The following C14orf93 variants were observed in gnomAD, a reference collection of about 807,000 sequenced individuals.
C14orf93 encodes chromosome 14 open reading frame 93, also known as uncharacterized protein C14orf93.
A neutral mutation model predicts 44.0 loss-of-function variants in C14orf93; 23 were observed. The observed-to-expected ratio is 0.52, with a 90% CI of 0.38 to 0.74. C14orf93 has a LOEUF of 0.74. Ranked by LOEUF, C14orf93 falls within the 30% of genes least tolerant of loss-of-function variation. The pLI, the probability that C14orf93 is intolerant of heterozygous loss-of-function variation, is 0.00. For missense variants in C14orf93, 579 were observed against 678.9 expected, an observed-to-expected ratio of 0.85 and a Z score of 1.64; for synonymous variants, 253 against 265.7, an observed-to-expected ratio of 0.95 and a Z score of 0.46.
Position 22,987,810 on chromosome 14 carries a change from C to T in C14orf93, c.1197+93G>A. The T allele has an allele frequency of 8.0e-7, 1 of 1,251,524 alleles. No individual in the cohort carries two copies. The highest frequency in any genetic ancestry group is 1.5e-5 in the African/African-American group (1 of 66,792). 77.5% of individuals were successfully genotyped at this position (1,251,524 alleles called of 1,614,324 possible). A position where few individuals can be genotyped will look rare whatever the true frequency, so the allele number is the denominator to read the frequency against. The stretch of plus-strand genomic sequence containing the variant: ...TCTATCTTCCTACATTCCTGGCTCT[C>T]AACCCTATTCTCATATGCCATGTCC... On this transcript the variant is annotated intron_variant, in intron 6 of 6. Transcript: ENST00000299088. The surrounding 1 kb of genome is among the most constrained non-coding windows in gnomAD (Gnocchi z 5.6).
intron 2 of C14orf93, among the ~76,000 whole-genome samples, chr14:22,997,755 AG>A (rs908205962): frequency 2.0e-5 from 3 of 151,744 alleles, no homozygotes; most frequent in Non-Finnish European, 4.4e-5. Flanking sequence ...GTTAACAATC[AG>A]TTGGCCATTT....
At chr14:23,002,014 T>C (rs1594665077) in intron 1 of C14orf93, among the ~76,000 whole-genome samples, 3 of 151,364 alleles carry the variant, frequency 2.0e-5, no homozygotes, top group African/African-American at 7.3e-5. Context: ...CCGGGCGTGG[T>C]GGCGGGCGAC....
In C14orf93 at chr14:22,998,433, G is replaced by C. The variant is rs1486231601; in HGVS notation, c.591C>G (p.Leu197=). The change falls in exon 2 of 7, where the codon CTC becomes CTG. Residue 197 remains leucine, a synonymous_variant. Coordinates refer to ENST00000299088, the MANE Select transcript of C14orf93 (RefSeq NM_021944.4). ...TLAASEAAPL[L]NPLVDDYVAS... ...CCTCTGCTGCCATACTCACAGGATT[G>C]AGCAGGGGGGCCGCCTCGCTGGCAG... 1.3e-6 allele frequency: 2 copies of C among 1,569,046 alleles called. No individual in the cohort carries two copies. Among genetic ancestry groups the C allele is most frequent in the South Asian group, 2.3e-5 (2 of 85,542 alleles).
At position 22,998,821 on chromosome 14, in the gene C14orf93, C is replaced by T. The variant is rs562860252; in HGVS notation, c.203G>A (p.Arg68Gln). 17 of 1,614,120 alleles carry T rather than the reference C, an allele frequency of 1.1e-5. No individual in the cohort carries two copies. The highest frequency in any genetic ancestry group is 4.5e-5 in the East Asian group (2 of 44,874). Reference protein sequence around the residue: ...SEQLLHVIYQRVDKAVGLAEA... With the variant: ...SEQLLHVIYQQVDKAVGLAEA... Reference sequence around the variant, plus strand: ...AGCCAAACCCACTGCCTTATCGACCCGCTGGTAGATAACATGCAGGAGCTG... The same window carrying T: ...AGCCAAACCCACTGCCTTATCGACCTGCTGGTAGATAACATGCAGGAGCTG... Residue 68 changes from arginine (R) to glutamine (Q), a missense_variant, in exon 2 of 7, where the codon CGG becomes CAG. By Grantham distance (43) the Arg-to-Gln change is conservative. Transcript: ENST00000299088.
intron 4 of C14orf93, 34 bp from the exon 5 acceptor site, chr14:22,989,879 C>T (rs1305060690): frequency 3.8e-6 from 6 of 1,585,746 alleles, no homozygotes; most frequent in African/African-American, 2.7e-5. Context: ...ATAAAGTTGT[C>T]GGCTTTGTAA....
chr14:23,004,954 A>T (rs189931086), intron 1 of C14orf93: 76 of 152,358 alleles, frequency 5.0e-4, no homozygotes, highest in African/African-American at 1.8e-3. Flanking sequence ...TAACAAAGTG[A>T]AATACACACA....
At chr14:22,989,282 G>C (rs746680701) in intron 5 of C14orf93, among the ~76,000 whole-genome samples, 1 of 152,162 alleles carries the variant, frequency 6.6e-6, no homozygotes, top group East Asian at 1.9e-4. Context: ...GATGAGCCAC[G>C]TTACCTGGCT....
chr14:23,007,497 CAT>C (rs1401541768), intron 1 of C14orf93, among the ~76,000 whole-genome samples: 1 of 152,212 alleles, frequency 6.6e-6, no homozygotes, highest in Non-Finnish European at 1.5e-5. Flanking sequence ...ATTTCTTTCA[CAT>C]GTCACCTGCA....
Position 22,998,538 on chromosome 14 carries a change from C to T in C14orf93, c.486G>A (p.Leu162=). 6.2e-7 allele frequency: 1 copy of T among 1,613,860 alleles called. No individual in the cohort carries two copies. Residue 162 remains leucine, a synonymous_variant, in exon 2 of 7, where the codon CTG becomes CTA. Coordinates refer to ENST00000299088, the MANE Select transcript of C14orf93 (RefSeq NM_021944.4). ...GCCCAGGCCCCACTGAGGCTGCTCC[C>T]AGCTGCCGCAGCTCCTCAATCACCA... ...VQVVIEELRQ[L]GAASVGPGPL...
At position 22,996,342 on chromosome 14, in the gene C14orf93, T is replaced by A; in HGVS notation, c.598-74A>T. On this transcript the variant is annotated intron_variant, in intron 2 of 6. Transcript: ENST00000299088. This position sits in a 1 kb window ranked among gnomAD's most constrained non-coding sequence, Gnocchi z 4.1. ...ACCTGGTTAACCATCATTCTTTGGC[T>A]AAGAATAGTGAACAGAAAGTGGAAA... 2 of 1,400,622 alleles carry A rather than the reference T, an allele frequency of 1.4e-6. No homozygotes were observed. Among genetic ancestry groups the A allele is most frequent in the Non-Finnish European group, 1.9e-6 (2 of 1,037,582 alleles). 86.8% of individuals were successfully genotyped at this position (1,400,622 alleles called of 1,614,324 possible). A position where few individuals can be genotyped will look rare whatever the true frequency, so the allele number is the denominator to read the frequency against.
rs549654883 is a variant in C14orf93, at chr14:22,995,086, T to C, written c.918+862A>G. 2.6e-5 allele frequency among the ~76,000 whole-genome samples: 4 copies of C among 152,326 alleles called. No homozygotes were observed. The East Asian group carries it at 5.8e-4, about 22-fold the overall frequency. On this transcript the variant is annotated intron_variant, in intron 3 of 6. Coordinates refer to ENST00000299088, the MANE Select transcript of C14orf93 (RefSeq NM_021944.4). ...GACTCCCAGCTCAGCAGGATGTTCTTTGGGCTCCCAGCCACGCCAAGAAGT... is the reference window on the plus strand; with the variant it reads ...GACTCCCAGCTCAGCAGGATGTTCTCTGGGCTCCCAGCCACGCCAAGAAGT...
intron 1 of C14orf93, among the ~76,000 whole-genome samples, chr14:23,009,676 C>A (rs1258084278): frequency 6.6e-6 from 1 of 152,072 alleles, no homozygotes; most frequent in African/African-American, 2.4e-5. Flanking sequence ...GTAAAAAGCA[C>A]GCAAACGGCT....
chr14:23,003,041 C>T (rs2046391046), intron 1 of C14orf93, among the ~76,000 whole-genome samples: 1 of 152,200 alleles, frequency 6.6e-6, no homozygotes, highest in Non-Finnish European at 1.5e-5. Flanking sequence ...TACTTGCTAT[C>T]ATGACCTGGT....
chr14:22,995,679 CAAAAA>C (rs58710730), intron 3 of C14orf93, among the ~76,000 whole-genome samples: 1 of 45,046 alleles, frequency 2.2e-5, no homozygotes, highest in African/African-American at 7.4e-5. Flanking sequence ...GACTCTGACT[CAAAAA>C]AAAAAAAAAA....
At chr14:22,989,882 C>T (rs1224154752) in intron 4 of C14orf93, 37 bp from the exon 5 acceptor site, 1 of 1,577,472 alleles carries the variant, frequency 6.3e-7, no homozygotes. Context: ...AAGTTGTCGG[C>T]TTTGTAAGAG....
rs746622586 is a variant in C14orf93, at chr14:22,988,018, G to GCTCCTTATCAGTGTAATT, written c.1085-4_1085-3insAATTACACTGATAAGGAG. ...AAGGAAGTAGGCCACACAGGCTCCT[G>GCTCCTTATCAGTGTAATT]GCGGGGAGGGAAGGAAGGGAGCAAG... On this transcript the variant is annotated splice_region_variant and splice_polypyrimidine_tract_variant and intron_variant, in intron 5 of 6. Transcript: ENST00000299088. The GCTCCTTATCAGTGTAATT allele has an allele frequency of 6.2e-7, 1 of 1,604,886 alleles. No individual in the cohort carries two copies. Among genetic ancestry groups the GCTCCTTATCAGTGTAATT allele is most frequent in the South Asian group, 1.1e-5 (1 of 90,584 alleles).
intron 1 of C14orf93, among the ~76,000 whole-genome samples, chr14:23,003,485 C>A (rs1037566307): frequency 6.6e-6 from 1 of 152,100 alleles, no homozygotes; most frequent in East Asian, 1.9e-4. Flanking sequence ...GCTGCATATA[C>A]CCCCATTAAA....
Position 23,003,875 on chromosome 14 carries a change from TATATATATATATATATATATA to T in C14orf93, c.-379-4494_-379-4474del, listed in dbSNP as rs2046444699. On this transcript the variant is annotated intron_variant, in intron 1 of 6. Transcript: ENST00000299088. ...ATATATTCATATATATATATATATATATATATATATATATATATATATATTTTTTTTTTTTTTTTTTTTTTT... is the reference window on the plus strand; with the variant it reads ...ATATATTCATATATATATATATATATTATTTTTTTTTTTTTTTTTTTTTTT... 3.5e-4 allele frequency among the ~76,000 whole-genome samples: 5 copies of T among 14,268 alleles called. 1 individual carries two copies. Among genetic ancestry groups the T allele is most frequent in the Non-Finnish European group, 5.4e-4 (4 of 7,356 alleles). 9.4% of individuals were successfully genotyped at this position (14,268 alleles called of 152,430 possible). A position where few individuals can be genotyped will look rare whatever the true frequency, so the allele number is the denominator to read the frequency against.
At chr14:22,988,705 A>G (rs1294102326) in intron 5 of C14orf93, among the ~76,000 whole-genome samples, 2 of 151,942 alleles carry the variant, frequency 1.3e-5, no homozygotes, top group Admixed American at 1.3e-4. Flanking sequence ...TCCATCTCCA[A>G]CACTAACTCC....
Sources: gnomAD v4.1 joint callset for allele counts (sites outside exome capture counted in the v4.1 genomes callset) on GRCh38, gnomAD v4.1.1 for gene constraint, Gnocchi (gnomAD v3.1) non-coding constraint, MANE v1.5 for transcripts, NCBI Gene and HGNC (gene_info 2026-07-23, HGNC 2026-07-21) for gene names.